PRKCE: variants seen among roughly 807,000 people sequenced by gnomAD.
PRKCE encodes protein kinase C epsilon.
Under a neutral mutation model 85.4 loss-of-function variants are expected in PRKCE, and 16 were observed. That is an observed-to-expected ratio of 0.19 (90% CI 0.13 to 0.28). The LOEUF is 0.28. Among genes scored for constraint, PRKCE ranks in the 10% least tolerant of loss-of-function variants. The pLI is 1.00. For missense variants in PRKCE, 573 were observed against 975.2 expected (o/e 0.59, Z 5.49); for synonymous variants, 388 against 371.5 (o/e 1.04, Z -0.51).
At chr2:46,012,616 C>T (rs1335998746) in intron 10 of PRKCE, among the ~76,000 whole-genome samples, 3 of 152,176 alleles carry the variant, frequency 2.0e-5, no homozygotes, top group Non-Finnish European at 4.4e-5. Context: ...TTTCTTTACA[C>T]CATTATCAAG....
At chr2:45,762,962 T>A (rs1474306358) in intron 1 of PRKCE, among the ~76,000 whole-genome samples, 1 of 151,540 alleles carries the variant, frequency 6.6e-6, no homozygotes, top group Non-Finnish European at 1.5e-5. Context: ...TCTTCTTTTT[T>A]TTTTTTTGAG....
intron 2 of PRKCE, among the ~76,000 whole-genome samples, chr2:45,862,819 C>G (rs765960886): frequency 6.6e-6 from 1 of 152,208 alleles, no homozygotes; most frequent in Non-Finnish European, 1.5e-5. Context: ...TGTGTACACA[C>G]ATGCACCCAT....
At chr2:46,183,795 A>G (rs1185809012) in intron 14 of PRKCE, among the ~76,000 whole-genome samples, 1 of 152,146 alleles carries the variant, frequency 6.6e-6, no homozygotes, top group East Asian at 1.9e-4. Flanking sequence ...CAACTTCTCC[A>G]TGGAAATTTT....
intron 2 of PRKCE, among the ~76,000 whole-genome samples, chr2:45,849,842 C>A (rs1369181924): frequency 2.6e-5 from 4 of 152,176 alleles, no homozygotes; most frequent in African/African-American, 9.7e-5. Context: ...GAGCAAGCCT[C>A]TGTGTCTTGG....
chr2:45,876,532 A>C (rs1375475856), intron 2 of PRKCE, among the ~76,000 whole-genome samples: 1 of 152,154 alleles, frequency 6.6e-6, no homozygotes, highest in African/African-American at 2.4e-5. Context: ...TTGGGGGTAA[A>C]TCCCACTTTT....
chr2:45,915,290 T>G (rs979466794), intron 2 of PRKCE, among the ~76,000 whole-genome samples: 28 of 152,240 alleles, frequency 1.8e-4, no homozygotes, highest in African/African-American at 6.8e-4. Flanking sequence ...TTCAGCCCAA[T>G]GAGTCTCTAT....
chr2:46,001,588 C>G lies in PRKCE; in HGVS notation c.966+42C>G, dbSNP rs1486765852. 6.3e-7 allele frequency: 1 copy of G among 1,579,962 alleles called. No individual in the cohort carries two copies. Among genetic ancestry groups the G allele is most frequent in the Non-Finnish European group, 8.6e-7 (1 of 1,168,446 alleles). ...TGGTGTTGCTGGAGCCCTTTTCAGG[C>G]TAGCATTTCTGTGCTGACTTCCAGA... On this transcript the variant is annotated intron_variant, in intron 7 of 14. Transcript: ENST00000306156. The surrounding 1 kb of genome is among the most constrained non-coding windows in gnomAD (Gnocchi z 4.4).
intron 1 of PRKCE, among the ~76,000 whole-genome samples, chr2:45,823,590 G>T (rs1689710356): frequency 1.3e-5 from 2 of 152,216 alleles, no homozygotes; most frequent in Admixed American, 6.5e-5. Context: ...GAAAGTCGGG[G>T]GTAGGGAGCA....
chr2:45,712,232 C>T (rs1186184022), intron 1 of PRKCE, among the ~76,000 whole-genome samples: 1 of 146,386 alleles, frequency 6.8e-6, no homozygotes, highest in East Asian at 2.1e-4. Flanking sequence ...ACTGCAACCT[C>T]CACCTCCCAG....
chr2:45,919,094 T>C (rs1390432185), intron 2 of PRKCE, among the ~76,000 whole-genome samples: 2 of 152,152 alleles, frequency 1.3e-5, no homozygotes, highest in Non-Finnish European at 2.9e-5. Context: ...AAGGTTGTTA[T>C]ATGGAAACAG....
chr2:45,707,436 A>G (rs114970389), intron 1 of PRKCE, among the ~76,000 whole-genome samples: 151 of 152,346 alleles, frequency 9.9e-4, no homozygotes, highest in African/African-American at 3.5e-3. Context: ...AACATTGATT[A>G]TCTCATTCTA....
intron 13 of PRKCE, among the ~76,000 whole-genome samples, chr2:46,153,882 G>A (rs557812693): frequency 2.1e-4 from 31 of 149,108 alleles, no homozygotes; most frequent in Admixed American, 1.4e-4. Flanking sequence ...CGCCTCCCGG[G>A]TTCAAGAGAT....
intron 1 of PRKCE, among the ~76,000 whole-genome samples, chr2:45,794,533 G>A (rs971568305): frequency 1.3e-5 from 2 of 152,108 alleles, no homozygotes; most frequent in East Asian, 1.9e-4. Flanking sequence ...CCTGATGCAC[G>A]GCTTTCTGTG....
chr2:45,761,485 G>A (rs564075413), intron 1 of PRKCE, among the ~76,000 whole-genome samples: 3 of 152,188 alleles, frequency 2.0e-5, no homozygotes, highest in African/African-American at 7.2e-5. Flanking sequence ...TCACAATGAC[G>A]TCCAGAAGTA....
At chr2:46,161,037 G>T (rs1485313586) in intron 14 of PRKCE, among the ~76,000 whole-genome samples, 1 of 152,204 alleles carries the variant, frequency 6.6e-6, no homozygotes, top group East Asian at 1.9e-4. Context: ...CCAGATTTAG[G>T]TTCACCTTCT....
chr2:45,771,499 C>A (rs1404023325), intron 1 of PRKCE, among the ~76,000 whole-genome samples: 3 of 152,128 alleles, frequency 2.0e-5, no homozygotes, highest in Admixed American at 2.0e-4. Flanking sequence ...CCTGCAACGG[C>A]CTCATCTCTG....
intron 2 of PRKCE, among the ~76,000 whole-genome samples, chr2:45,900,403 G>A (rs776280737): frequency 2.6e-5 from 4 of 152,204 alleles, no homozygotes; most frequent in African/African-American, 7.2e-5. Flanking sequence ...ACAAAATGTG[G>A]TCTATACATG....
At chr2:46,182,273 C>T (rs2594494) in intron 14 of PRKCE, among the ~76,000 whole-genome samples, 56,043 of 151,964 alleles carry the variant, frequency 0.37, 13,483 homozygotes, top group African/African-American at 0.68. Flanking sequence ...CCCCCTTCCA[C>T]AGAGATCTTC....
intron 2 of PRKCE, among the ~76,000 whole-genome samples, chr2:45,974,313 C>T (rs1368907329): frequency 1.3e-5 from 2 of 152,220 alleles, no homozygotes; most frequent in Non-Finnish European, 2.9e-5. Flanking sequence ...AGAATTTGGT[C>T]AGCAGGTCAA....
Sources: gnomAD v4.1 joint callset for allele counts (sites outside exome capture counted in the v4.1 genomes callset) on GRCh38, gnomAD v4.1.1 for gene constraint, Gnocchi (gnomAD v3.1) non-coding constraint, MANE v1.5 for transcripts, NCBI Gene and HGNC (gene_info 2026-07-23, HGNC 2026-07-21) for gene names.